ASH2L: variants seen among roughly 807,000 people sequenced by gnomAD.
ASH2L encodes ASH2 like, histone lysine methyltransferase complex subunit.
In ASH2L, 30 loss-of-function variants were observed where a neutral mutation model predicts 81.1. The observed-to-expected ratio is 0.37, with a 90% confidence interval of 0.28 to 0.50. The LOEUF is 0.50. ASH2L is among the 20% of genes least tolerant of loss of function. The pLI, the probability that ASH2L is intolerant of heterozygous loss-of-function variation, is 0.95. For missense variants in ASH2L, 559 were observed against 792.1 expected, an observed-to-expected ratio of 0.71 and a Z score of 3.53; for synonymous variants, 273 against 279.9, an observed-to-expected ratio of 0.98 and a Z score of 0.24.
Position 38,105,561 on chromosome 8 carries a change from C to A in ASH2L, c.11C>A (p.Ala4Glu). The change falls in exon 1 of 16, where the codon GCA (alanine) becomes GAA (glutamate). Residue 4 changes from alanine (A) to glutamate (E), a missense_variant. Ala to Glu is a moderately radical substitution (Grantham distance 107). This residue lies in a region of ASH2L where 145 missense variants were observed against 115.5 expected (regional missense o/e 1.26). Transcript: ENST00000343823. MAAAGAGPGQEAGA... is the reference protein window; with the variant it reads MAAEGAGPGQEAGA... ...CCAGGGGTGGCCGTGATGGCGGCGG[C>A]AGGAGCAGGACCTGGCCAGGAAGCG... 6.4e-7 allele frequency: 1 copy of A among 1,570,386 alleles called. No homozygotes were observed. The highest frequency in any genetic ancestry group is 8.6e-7 in the Non-Finnish European group (1 of 1,156,780).
chr8:38,134,008 A>G (rs1345069510), intron 13 of ASH2L, among the ~76,000 whole-genome samples: 2 of 152,138 alleles, frequency 1.3e-5, no homozygotes, highest in East Asian at 1.9e-4. Flanking sequence ...GATGCTGTTG[A>G]TCTATGACCT....
intron 8 of ASH2L, chr8:38,119,055 CATTT>C: frequency 4.3e-6 from 2 of 470,516 alleles, no homozygotes; most frequent in Middle Eastern, 5.5e-4. Flanking sequence ...GTGCTGGATT[CATTT>C]GAGTTTATTG....
In ASH2L at chr8:38,139,036, G is replaced by A; in HGVS notation, c.1852G>A (p.Val618Met). ...CGTCTTGTATCACGTGGAGACAGAAGTGGATGGGAGGCGCAGTCCCCCATG... is the reference window on the plus strand; with the variant it reads ...CGTCTTGTATCACGTGGAGACAGAAATGGATGGGAGGCGCAGTCCCCCATG... Reference protein sequence around the residue: ...ADVLYHVETEVDGRRSPPWEP With the variant: ...ADVLYHVETEMDGRRSPPWEP Residue 618 changes from valine to methionine, a missense_variant, in exon 16 of 16, where the codon GTG becomes ATG. Physicochemically the swap from Val to Met is conservative, Grantham distance 21. Coordinates refer to ENST00000343823, the MANE Select transcript of ASH2L (RefSeq NM_004674.5). The A allele has an allele frequency of 6.2e-7, 1 of 1,607,824 alleles. No homozygotes were observed. Among genetic ancestry groups the A allele is most frequent in the Non-Finnish European group, 8.5e-7 (1 of 1,177,008 alleles).
At chr8:38,127,346 T>A (rs970013865) in intron 10 of ASH2L, among the ~76,000 whole-genome samples, 77 of 151,920 alleles carry the variant, frequency 5.1e-4, no homozygotes, top group East Asian at 1.7e-3. Flanking sequence ...AAAAGTTAAA[T>A]TTTTTAAATG....
chr8:38,132,764 A>G (rs1290652142), intron 12 of ASH2L, among the ~76,000 whole-genome samples: 1 of 150,356 alleles, frequency 6.7e-6, no homozygotes, highest in Non-Finnish European at 1.5e-5. Flanking sequence ...ACACCACTGC[A>G]TTCCAGCCTG....
chr8:38,138,632 C>A, intron 14 of ASH2L, 184 bp from the exon 15 acceptor site: 1 of 553,080 alleles, frequency 1.8e-6, no homozygotes, highest in South Asian at 2.6e-5. Flanking sequence ...TTTTAGTTAC[C>A]TAATTCTTGA....
At chr8:38,138,132 T>G (rs1317954833) in intron 14 of ASH2L, 1 of 152,016 alleles carries the variant, frequency 6.6e-6, no homozygotes, top group African/African-American at 2.4e-5. Context: ...TACAAAAAAT[T>G]AGCCAGGCGT....
intron 3 of ASH2L, 141 bp downstream of exon 3, chr8:38,107,307 A>T: frequency 9.0e-7 from 1 of 1,111,522 alleles, no homozygotes. Context: ...ATGTTGAATC[A>T]GGAGTTGTTT....
intron 5 of ASH2L, among the ~76,000 whole-genome samples, chr8:38,111,797 A>G (rs1262895342): frequency 1.3e-5 from 2 of 152,186 alleles, no homozygotes; most frequent in Admixed American, 6.5e-5. Flanking sequence ...ACTTTACCCA[A>G]TATTCTGTTA....
intron 2 of ASH2L, 106 bp downstream of exon 2, chr8:38,106,550 CAGGCT>C: frequency 1.0e-6 from 1 of 994,408 alleles, no homozygotes; most frequent in Non-Finnish European, 1.5e-6. Context: ...CTCTGTCGCC[CAGGCT>C]GGAATGCAGT....
chr8:38,108,546 G>A (rs1165481467), intron 3 of ASH2L, among the ~76,000 whole-genome samples: 3 of 150,848 alleles, frequency 2.0e-5, no homozygotes. Flanking sequence ...GGGGCCAGGC[G>A]CAGTGACTCA....
intron 10 of ASH2L, 77 bp from the exon 11 acceptor site, chr8:38,128,214 G>C (rs1268895532): frequency 6.5e-6 from 10 of 1,534,270 alleles, no homozygotes; most frequent in Non-Finnish European, 8.1e-6. Flanking sequence ...TGTTTTATTG[G>C]ACTAATGTTT....
Position 38,138,812 on chromosome 8 carries a change from C to A in ASH2L, c.1720-4C>A. 1 of 1,613,610 alleles carries A rather than the reference C, an allele frequency of 6.2e-7. No individual in the cohort carries two copies. Among genetic ancestry groups the A allele is most frequent in the Non-Finnish European group, 8.5e-7 (1 of 1,179,836 alleles). On this transcript the variant is annotated splice_region_variant and splice_polypyrimidine_tract_variant and intron_variant, in intron 14 of 15. Coordinates refer to ENST00000343823, the MANE Select transcript of ASH2L (RefSeq NM_004674.5). ...CATGTCTGCTTGAATTGAATTCGCT[C>A]CAGGTTTCCATTAACTTTGGACCAT...
At chr8:38,126,682 G>A (rs1331512837) in intron 10 of ASH2L, among the ~76,000 whole-genome samples, 2 of 151,292 alleles carry the variant, frequency 1.3e-5, no homozygotes. Context: ...GTGAAACCCT[G>A]TCTCTACTGA....
Position 38,106,297 on chromosome 8 carries a change from A to C in ASH2L, c.189-81A>C. 3 of 1,451,560 alleles carry C rather than the reference A, an allele frequency of 2.1e-6. No homozygotes were observed. In the East Asian group the frequency reaches 6.8e-5, roughly 33 times the overall value. 89.9% of individuals were successfully genotyped at this position (1,451,560 alleles called of 1,614,324 possible). A position where few individuals can be genotyped will look rare whatever the true frequency, so the allele number is the denominator to read the frequency against. On this transcript the variant is annotated intron_variant, in intron 1 of 15. Coordinates refer to ENST00000343823, the MANE Select transcript of ASH2L (RefSeq NM_004674.5). ...CTGCAGGAGTATGAAGTTCGGCTGT[A>C]ATTTGATCATCATTTTTGGGAATAG...
In ASH2L at chr8:38,114,905, A is replaced by C; in HGVS notation, c.682A>C (p.Ser228Arg). The C allele has an allele frequency of 1.3e-6, 2 of 1,585,234 alleles. No homozygotes were observed. Among genetic ancestry groups the C allele is most frequent in the Non-Finnish European group, 1.7e-6 (2 of 1,154,544 alleles). ...ATAGTAAAACACTACTTCTTTTTAG[A>C]GTAAAGAAAGAGATGTATTCTTGGT... ...TWPNNIVKTMSKERDVFLVKE... is the reference protein window; with the variant it reads ...TWPNNIVKTMRKERDVFLVKE... The change falls in exon 7 of 16, where the codon AGT (serine) becomes CGT (arginine). Residue 228 changes from serine to arginine, a missense_variant and splice_region_variant. Physicochemically the swap from Ser to Arg is moderately radical, Grantham distance 110. Around this residue, in one of 4 missense-constraint regions of ASH2L, gnomAD observed 318 missense variants for 527.0 expected, o/e 0.60. Transcript: ENST00000343823.
chr8:38,119,185 G>A, intron 8 of ASH2L, 85 bp from the exon 9 acceptor site: 1 of 1,176,006 alleles, frequency 8.5e-7, no homozygotes, highest in South Asian at 1.4e-5. Flanking sequence ...AATGCACATT[G>A]GGTGTGTTGG....
intron 3 of ASH2L, among the ~76,000 whole-genome samples, chr8:38,108,893 A>G (rs1277503861): frequency 2.0e-5 from 3 of 152,186 alleles, no homozygotes; most frequent in Non-Finnish European, 4.4e-5. Context: ...TAGCCTAGGC[A>G]ACATAGTGAG....
Position 38,110,421 on chromosome 8 carries a change from C to T in ASH2L, c.444C>T (p.Asn148=), listed in dbSNP as rs779048897. ...TGACCAACTACAGTTTTCATTGCAACGTCTGCCATCACAGTGGGAATACCT... is the reference window on the plus strand; with the variant it reads ...TGACCAACTACAGTTTTCATTGCAATGTCTGCCATCACAGTGGGAATACCT... ...PFMTNYSFHC[N]VCHHSGNTYF... The change falls in exon 4 of 16, where the codon AAC becomes AAT. Residue 148 remains asparagine (N), a synonymous_variant. Transcript: ENST00000343823. The T allele has an allele frequency of 8.4e-5, 135 of 1,614,076 alleles. 1 individual carries two copies. In the South Asian group the frequency reaches 9.0e-4, roughly 11 times the overall value.
Sources: allele counts gnomAD v4.1 joint callset (sites outside exome capture counted in the v4.1 genomes callset), GRCh38; gene constraint gnomAD v4.1.1; regional missense constraint gnomAD v4.1.1; transcripts MANE v1.5; gene names NCBI Gene and HGNC (gene_info 2026-07-23, HGNC 2026-07-21).